The following ECH1 variants were observed in gnomAD, a reference collection of about 807,000 sequenced individuals.
ECH1 encodes the protein delta(3,5)-Delta(2,4)-dienoyl-CoA isomerase, mitochondrial.
Under a neutral mutation model 37.0 loss-of-function variants are expected in ECH1, and 30 were observed. The observed-to-expected ratio is 0.81, with a 90% CI of 0.61 to 1.10. ECH1 has a LOEUF of 1.10. Ranked by LOEUF, ECH1 falls within the 50% of genes least tolerant of loss-of-function variation. The probability of loss-of-function intolerance (pLI) is 0.00; values close to 1 mark genes in which losing one functional copy is unlikely to be tolerated. For missense variants in ECH1, 456 were observed against 441.6 expected, an observed-to-expected ratio of 1.03 and a Z score of -0.29; for synonymous variants, 178 against 176.0, an observed-to-expected ratio of 1.01 and a Z score of -0.09.
In ECH1 at chr19:38,830,118, T is replaced by C. The variant is rs1251268584; in HGVS notation, c.349+960A>G. ...GTTGCAGTGAGTTGAGATTGCACCA[T>C]TGCAACAAAAGCAAAACTCCGTCTG... On this transcript the variant is annotated intron_variant, in intron 3 of 9. Transcript: ENST00000221418. 2.0e-5 allele frequency among the ~76,000 whole-genome samples: 3 copies of C among 152,126 alleles called. No homozygotes were observed. The East Asian group carries it at 5.8e-4, about 29-fold the overall frequency.
intron 9 of ECH1, 38 bp from the exon 10 acceptor site, chr19:38,815,755 AT>A: frequency 6.2e-7 from 1 of 1,613,990 alleles, no homozygotes; most frequent in Non-Finnish European, 8.5e-7. Context: ...GAGGAGAGAG[AT>A]TAGCAGGGGC....
rs201410792 is a variant in ECH1, at chr19:38,816,526, G to A, written c.589-3C>T. 3.1e-6 allele frequency: 5 copies of A among 1,614,094 alleles called. No individual in the cohort carries two copies. The Admixed American group carries it at 8.3e-5, about 27-fold the overall frequency. On this transcript the variant is annotated splice_polypyrimidine_tract_variant and splice_region_variant and intron_variant, in intron 6 of 9. Transcript: ENST00000221418. ...GCAGCCAAACCCACGTCCACCTCCTGGGGGAGGAATCGGGTCAGTGTTTGG... is the reference window on the plus strand; with the variant it reads ...GCAGCCAAACCCACGTCCACCTCCTAGGGGAGGAATCGGGTCAGTGTTTGG...
chr19:38,818,068 G>A (rs1971605404), intron 3 of ECH1: 1 of 336,962 alleles, frequency 3.0e-6, no homozygotes, highest in Non-Finnish European at 4.2e-6. Flanking sequence ...ACTGTGCCGA[G>A]GCTGCTCTTG....
At position 38,826,590 on chromosome 19, in the gene ECH1, G is replaced by C. The variant is rs143852059; in HGVS notation, c.349+4488C>G. Among the ~76,000 whole-genome samples the C allele has an allele frequency of 7.4e-4, 112 of 152,292 alleles. 1 individual carries two copies. In the East Asian group the frequency reaches 0.02, roughly 27 times the overall value. On this transcript the variant is annotated intron_variant, in intron 3 of 9. Transcript: ENST00000221418. ...CAGCTGTAACCAACACCTATACCCT[G>C]CTCTCTCAAATAACAGAGGCAGCAG...
At position 38,831,380 on chromosome 19, in the gene ECH1, C is replaced by A. The variant is rs990449856; in HGVS notation, c.189G>T (p.Ala63=). ...HSYESLRVTS[A]QKHVLHVQLN... is the part of the protein sequence containing the mutation. ...GCTGGACATGCAGAACATGTTTCTG[C>A]GCAGACGTCACACGAAGGGACTCAT... Residue 63 remains alanine (A), a synonymous_variant, in exon 2 of 10, where the codon GCG becomes GCT. Coordinates refer to ENST00000221418, the MANE Select transcript of ECH1 (RefSeq NM_001398.3). 6.2e-7 allele frequency: 1 copy of A among 1,613,996 alleles called. No homozygotes were observed. Among genetic ancestry groups the A allele is most frequent in the Non-Finnish European group, 8.5e-7 (1 of 1,180,010 alleles).
In ECH1 at chr19:38,815,436, T is replaced by G; in HGVS notation, c.*177A>C. On this transcript the variant is annotated 3_prime_UTR_variant, in exon 10 of 10. Transcript: ENST00000221418. Reference sequence around the variant, plus strand: ...AGGGCACCAGGTTCTTTACTTTGCTTTATTGTTTGTGGGGTGAAGATAAGG... The same window carrying G: ...AGGGCACCAGGTTCTTTACTTTGCTGTATTGTTTGTGGGGTGAAGATAAGG... 3 of 618,664 alleles carry G rather than the reference T, an allele frequency of 4.8e-6. No homozygotes were observed. Among genetic ancestry groups the G allele is most frequent in the Non-Finnish European group, 5.6e-6 (2 of 357,458 alleles). The allele number at this position is 618,664 out of a possible 1,614,324, so 38.3% of individuals were successfully genotyped here. A position where few individuals can be genotyped will look rare whatever the true frequency, so the allele number is the denominator to read the frequency against.
chr19:38,820,986 A>C (rs1169066998), intron 3 of ECH1, among the ~76,000 whole-genome samples: 1 of 152,230 alleles, frequency 6.6e-6, no homozygotes, highest in Non-Finnish European at 1.5e-5. Flanking sequence ...AGATGCAGAA[A>C]GAAAGCAGGA....
intron 8 of ECH1, 127 bp from the exon 9 acceptor site, chr19:38,816,134 A>AG: frequency 1.3e-6 from 2 of 1,481,904 alleles, no homozygotes. Flanking sequence ...CAATCAGAGC[A>AG]GGGGGCTGAC....
chr19:38,817,913 A>G (rs781109459), intron 3 of ECH1: 5 of 250,772 alleles, frequency 2.0e-5, no homozygotes, highest in Non-Finnish European at 2.5e-5. Context: ...GTAATGAACT[A>G]TTTAAATTAA....
At chr19:38,829,529 A>C (rs994899942) in intron 3 of ECH1, among the ~76,000 whole-genome samples, 3 of 151,730 alleles carry the variant, frequency 2.0e-5, no homozygotes, top group Admixed American at 6.6e-5. Context: ...GAAAACTACA[A>C]TATCTGGGCT....
chr19:38,829,299 A>G (rs1042624150), intron 3 of ECH1, among the ~76,000 whole-genome samples: 4 of 150,726 alleles, frequency 2.7e-5, no homozygotes, highest in Non-Finnish European at 4.4e-5. Flanking sequence ...AAAAAAAAAA[A>G]AAAAAAAAAA....
At chr19:38,817,427 T>G in intron 4 of ECH1, 24 bp downstream of exon 4, 1 of 1,611,976 alleles carries the variant, frequency 6.2e-7, no homozygotes. Flanking sequence ...TGGAGAAAGA[T>G]CCCCTCCAGA....
chr19:38,827,141 GGAAA>G (rs906553727), intron 3 of ECH1, among the ~76,000 whole-genome samples: 4 of 148,686 alleles, frequency 2.7e-5, no homozygotes, highest in Non-Finnish European at 4.5e-5. Context: ...GAAAGGGGAG[GGAAA>G]GAAAGAAAGG....
intron 3 of ECH1, chr19:38,823,064 T>G (rs914166417): frequency 6.6e-6 from 1 of 152,550 alleles, no homozygotes; most frequent in Non-Finnish European, 1.5e-5. Context: ...ACGCACCGCC[T>G]TAAGAGCTAT....
At chr19:38,829,392 C>G (rs112954655) in intron 3 of ECH1, among the ~76,000 whole-genome samples, 2 of 151,456 alleles carry the variant, frequency 1.3e-5, no homozygotes, top group African/African-American at 2.4e-5. Flanking sequence ...ACCCAGGAGG[C>G]AGATGTTGCA....
In ECH1 at chr19:38,817,542, AG is replaced by A. The variant is rs1298127890; in HGVS notation, c.382del (p.Leu128CysfsTer36). On this transcript the variant is annotated frameshift_variant, in exon 4 of 10. Transcript: ENST00000221418. LOFTEE classifies it high-confidence loss of function. ...GGCCACATCATCTCCTTTGGGCTGC[AG>A]GATGTCCGAAGCCATGTCCATCAGG... ...IDLMDMASDI[L>X]QPKGDDVARI... is the part of the protein sequence containing the mutation. 6.2e-7 allele frequency: 1 copy of A among 1,611,104 alleles called. No individual in the cohort carries two copies. Among genetic ancestry groups the A allele is most frequent in the Non-Finnish European group, 8.5e-7 (1 of 1,177,584 alleles).
Position 38,831,771 on chromosome 19 carries a change from ATCGCCGCCGCCT to A in ECH1, c.-11_1del, listed in dbSNP as rs879153826. On this transcript the variant is annotated start_lost and start_retained_variant and 5_prime_UTR_variant, in exon 1 of 10. Coordinates refer to ENST00000221418, the MANE Select transcript of ECH1 (RefSeq NM_001398.3). ...GCGAGAAGCCACTATCCCCGCCGCCATCGCCGCCGCCTTCGTCTACTGCGTTCGGACGGAGTA... is the reference window on the plus strand; with the variant it reads ...GCGAGAAGCCACTATCCCCGCCGCCATCGTCTACTGCGTTCGGACGGAGTA... The A allele has an allele frequency of 1.2e-6, 2 of 1,613,330 alleles. No individual in the cohort carries two copies. Among genetic ancestry groups the A allele is most frequent in the Non-Finnish European group, 1.7e-6 (2 of 1,179,810 alleles).
chr19:38,817,615 G>GC lies in ECH1; in HGVS notation c.350-41dup, dbSNP rs759038149. ...TGATGGAGCTCATCCAGGCTCCCAG[G>GC]CCCCACCCATTGACTCAACCAGGGA... On this transcript the variant is annotated intron_variant, in intron 3 of 9. Transcript: ENST00000221418. 16 of 1,554,042 alleles carry GC rather than the reference G, an allele frequency of 1.0e-5. No homozygotes were observed. In the African/African-American group the frequency reaches 2.0e-4, roughly 20 times the overall value.
intron 3 of ECH1, among the ~76,000 whole-genome samples, chr19:38,826,406 G>A (rs1232359738): frequency 1.3e-5 from 2 of 152,152 alleles, no homozygotes; most frequent in Non-Finnish European, 2.9e-5. Flanking sequence ...GCTCATAAAC[G>A]ATTACAGAAT....
Sources: allele counts gnomAD v4.1 joint callset (sites outside exome capture counted in the v4.1 genomes callset), GRCh38; gene constraint gnomAD v4.1.1; transcripts MANE v1.5; gene names NCBI Gene and HGNC (gene_info 2026-07-23, HGNC 2026-07-21).